The following SGSH variants were observed in gnomAD, a reference collection of about 807,000 sequenced individuals.
SGSH encodes the protein heparan sulfate sulfatase.
A neutral mutation model predicts 51.0 loss-of-function variants in SGSH; 48 were observed. The observed-to-expected ratio is 0.94, with a 90% CI of 0.75 to 1.20. The LOEUF is 1.20. Ranked by LOEUF, SGSH falls within the 50% of genes most tolerant of loss-of-function variation. SGSH has a pLI of 0.00. For synonymous variants in SGSH, 321 were observed against 313.4 expected, an observed-to-expected ratio of 1.02 and a Z score of -0.26; for missense variants, 662 against 717.8, an observed-to-expected ratio of 0.92 and a Z score of 0.89.
At chr17:80,215,590 G>A (rs2041861141) in intron 2 of SGSH, among the ~76,000 whole-genome samples, 1 of 152,336 alleles carries the variant, frequency 6.6e-6, no homozygotes, top group African/African-American at 2.4e-5. Context: ...GGAGGCCAAC[G>A]CAGGTGGATC....
chr17:80,206,362 C>T (rs182884201), downstream of SGSH, among the ~76,000 whole-genome samples: 1,570 of 152,248 alleles, frequency 0.01, 35 homozygotes, highest in Non-Finnish European at 0.013. Flanking sequence ...GCCTGTAATC[C>T]CCACACTTTG....
intron 1 of SGSH, among the ~76,000 whole-genome samples, chr17:80,217,541 G>A (rs1484226648): frequency 1.3e-5 from 2 of 152,048 alleles, no homozygotes; most frequent in African/African-American, 4.8e-5. Flanking sequence ...ATACCTGGTG[G>A]GTATATCAGC....
Position 80,214,731 on chromosome 17 carries a change from G to C in SGSH, c.390C>G (p.Thr130=), listed in dbSNP as rs111761143. The C allele has an allele frequency of 1.7e-5, 28 of 1,612,886 alleles. No homozygotes were observed. The South Asian group carries it at 2.6e-4, about 15-fold the overall frequency. ...TGTACGCAAAGTCAAACGGGTACAC[G>C]GTCTCCGGCCCCACGTGCTTCTTCC... ...IIGKKHVGPE[T]VYPFDFAYTE... Residue 130 remains threonine (T), a synonymous_variant, in exon 4 of 8, where the codon ACC becomes ACG. Coordinates refer to ENST00000326317, the MANE Select transcript of SGSH (RefSeq NM_000199.5).
intron 1 of SGSH, among the ~76,000 whole-genome samples, chr17:80,218,743 C>T (rs2041992982): frequency 6.6e-6 from 1 of 152,196 alleles, no homozygotes; most frequent in Non-Finnish European, 1.5e-5. Flanking sequence ...ACTGTGTCCT[C>T]CCAGAATTCA....
At chr17:80,218,270 G>A (rs2041964994) in intron 1 of SGSH, among the ~76,000 whole-genome samples, 2 of 152,220 alleles carry the variant, frequency 1.3e-5, no homozygotes, top group Non-Finnish European at 2.9e-5. Context: ...CATCTCAAAG[G>A]CCTAGTGACC....
In SGSH at chr17:80,209,521, C is replaced by T. The variant is rs1026542912; in HGVS notation, c.*931G>A. 7.1e-6 allele frequency: 7 copies of T among 985,354 alleles called. No homozygotes were observed. The highest frequency in any genetic ancestry group is 3.5e-5 in the African/African-American group (2 of 57,192). 61.0% of individuals were successfully genotyped at this position (985,354 alleles called of 1,614,324 possible). On this transcript the variant is annotated 3_prime_UTR_variant, in exon 8 of 8. Transcript: ENST00000326317. ...GAACGGCACATTCTCCCAGCAACGC[C>T]GACGTCATCCAAGAATTAACCCAAG...
Position 80,214,738 on chromosome 17 carries a change from G to A in SGSH, c.383C>T (p.Pro128Leu), listed in dbSNP as rs104894642. The change falls in exon 4 of 8, where the codon CCG (proline) becomes CTG (leucine). Residue 128 changes from proline (P) to leucine (L), a missense_variant. Coordinates refer to ENST00000326317, the MANE Select transcript of SGSH (RefSeq NM_000199.5). ...AAAGTCAAACGGGTACACGGTCTCC[G>A]GCCCCACGTGCTTCTTCCCGATGAT... ...TGIIGKKHVG[P>L]ETVYPFDFAY... The A allele has an allele frequency of 1.1e-5, 18 of 1,612,548 alleles. No individual in the cohort carries two copies. The highest frequency in any genetic ancestry group is 3.3e-5 in the Admixed American group (2 of 60,000).
In SGSH at chr17:80,210,666, T is replaced by C. The variant is rs1474738653; in HGVS notation, c.1295A>G (p.Tyr432Cys). 2.5e-6 allele frequency: 4 copies of C among 1,613,612 alleles called. No homozygotes were observed. The highest frequency in any genetic ancestry group is 4.5e-5 in the East Asian group (2 of 44,886). ...GTCGTAGAGCTCCCAGCGCGCCCGG[T>C]AGTAGTAATGACGGAGGTCCTTGTA... ...GWYKDLRHYYYRARWELYDRS... is the reference protein window; with the variant it reads ...GWYKDLRHYYCRARWELYDRS... Residue 432 changes from tyrosine to cysteine, a missense_variant, in exon 8 of 8, where the codon TAC becomes TGC. Coordinates refer to ENST00000326317, the MANE Select transcript of SGSH (RefSeq NM_000199.5).
downstream of SGSH, chr17:80,205,205 G>A (rs772313392): frequency 6.2e-7 from 1 of 1,609,884 alleles, no homozygotes; most frequent in South Asian, 1.1e-5. Context: ...GTGCCTGGCA[G>A]GTATGCTGTT....
At chr17:80,209,246 T>C, downstream of SGSH, 4 of 886,452 alleles carry the variant, frequency 4.5e-6, no homozygotes, top group Non-Finnish European at 5.4e-6. Context: ...CAGGAAGCTG[T>C]TCTAGAATTC....
chr17:80,212,554 C>T lies in SGSH; in HGVS notation c.746-280G>A, dbSNP rs2041711379. The stretch of plus-strand genomic sequence containing the variant: ...ACCCCCAGGCAGCTGCTCCCTGGTG[C>T]CCGCCGGCTTTTGAGTTCTCCGGAA... On this transcript the variant is annotated intron_variant, in intron 6 of 7. Coordinates refer to ENST00000326317, the MANE Select transcript of SGSH (RefSeq NM_000199.5). This position sits in a 1 kb window ranked among gnomAD's most constrained non-coding sequence, Gnocchi z 5.9. 2.0e-6 allele frequency: 1 copy of T among 510,530 alleles called. No homozygotes were observed. The highest frequency in any genetic ancestry group is 3.6e-6 in the Non-Finnish European group (1 of 279,286). 31.6% of individuals were successfully genotyped at this position (510,530 alleles called of 1,614,324 possible). A position where few individuals can be genotyped will look rare whatever the true frequency, so the allele number is the denominator to read the frequency against.
chr17:80,203,612 C>T (rs1010369631), downstream of SGSH: 50 of 505,064 alleles, frequency 9.9e-5, 1 homozygote, highest in Middle Eastern at 1.6e-3. The surrounding 1 kb of genome is among the most constrained non-coding windows in gnomAD (Gnocchi z 4.6). Context: ...AGGGGTGGGC[C>T]GAGGCCCTGG....
intron 2 of SGSH, among the ~76,000 whole-genome samples, chr17:80,215,480 T>C (rs1347247242): frequency 6.6e-6 from 1 of 152,260 alleles, no homozygotes; most frequent in Non-Finnish European, 1.5e-5. Context: ...AGGCCTTGTT[T>C]TATTACCTAG....
chr17:80,211,805 C>T (rs1050863190), intron 7 of SGSH: 10 of 540,580 alleles, frequency 1.8e-5, no homozygotes, highest in Admixed American at 6.2e-5. Flanking sequence ...CGGAGGTAGG[C>T]GGGGAAAAGG....
In SGSH at chr17:80,210,343, G is replaced by A; in HGVS notation, c.*109C>T. 2 of 1,454,422 alleles carry A rather than the reference G, an allele frequency of 1.4e-6. No individual in the cohort carries two copies. The highest frequency in any genetic ancestry group is 1.8e-6 in the Non-Finnish European group (2 of 1,105,554). The allele number at this position is 1,454,422 out of a possible 1,614,324, so 90.1% of individuals were successfully genotyped here. ...GGAAGAACCCTCCTTGGATGGGAGT[G>A]TGGACGGAAGGGCTGTTGCCACTAC... On this transcript the variant is annotated 3_prime_UTR_variant, in exon 8 of 8. Coordinates refer to ENST00000326317, the MANE Select transcript of SGSH (RefSeq NM_000199.5).
chr17:80,205,732 G>C, downstream of SGSH: 1 of 1,402,894 alleles, frequency 7.1e-7, no homozygotes, highest in East Asian at 2.5e-5. Context: ...TGAGATAAAG[G>C]TACAGGGACC....
downstream of SGSH, chr17:80,208,143 G>A: frequency 1.3e-6 from 2 of 1,541,848 alleles, no homozygotes; most frequent in Non-Finnish European, 8.8e-7. Flanking sequence ...TGCAGGAAGG[G>A]CCTACAGCGG....
downstream of SGSH, chr17:80,202,809 A>C (rs1336777765): frequency 8.1e-6 from 2 of 247,278 alleles, no homozygotes; most frequent in Non-Finnish European, 1.6e-5. Flanking sequence ...TGACAACCAG[A>C]AATGTCTCTA....
intron 1 of SGSH, 142 bp from the exon 2 acceptor site, chr17:80,217,334 G>C: frequency 1.1e-6 from 1 of 930,138 alleles, no homozygotes; most frequent in Non-Finnish European, 1.7e-6. Context: ...AACACTCAGC[G>C]CGAAATGCTA....
Sources: gnomAD v4.1 joint callset for allele counts (sites outside exome capture counted in the v4.1 genomes callset) on GRCh38, gnomAD v4.1.1 for gene constraint, Gnocchi (gnomAD v3.1) non-coding constraint, MANE v1.5 for transcripts, NCBI Gene and HGNC (gene_info 2026-07-23, HGNC 2026-07-21) for gene names.